PLCD4: variants seen among roughly 807,000 people sequenced by gnomAD.
PLCD4 encodes the protein phospholipase C delta 4, also known as 1-phosphatidylinositol 4,5-bisphosphate phosphodiesterase delta-4.
Under a neutral mutation model 90.2 loss-of-function variants are expected in PLCD4, and 63 were observed. The observed-to-expected ratio is 0.70, with a 90% CI of 0.57 to 0.86. PLCD4 has a LOEUF of 0.86. Ranked by LOEUF, PLCD4 falls within the 40% of genes least tolerant of loss-of-function variation. The pLI is 0.00. For synonymous variants in PLCD4, 294 were observed against 356.5 expected (o/e 0.82, Z 1.97); for missense variants, 830 against 956.3 (o/e 0.87, Z 1.74).
At chr2:218,631,015 C>A (rs1296319404) in intron 9 of PLCD4, among the ~76,000 whole-genome samples, 1 of 152,128 alleles carries the variant, frequency 6.6e-6, no homozygotes, top group Non-Finnish European at 1.5e-5. Flanking sequence ...AGTTTTAAAT[C>A]AACAATTTAC....
chr2:218,636,619 C>A lies in PLCD4; in HGVS notation c.*42C>A. 2 of 1,569,116 alleles carry A rather than the reference C, an allele frequency of 1.3e-6. No individual in the cohort carries two copies. Among genetic ancestry groups the A allele is most frequent in the East Asian group, 2.3e-5 (1 of 44,310 alleles). ...GAAGGGTTGGTGTGCTGGCTTTAGA[C>A]GGGGAGAAACATCTGGAAGGATGCT... On this transcript the variant is annotated 3_prime_UTR_variant, in exon 16 of 16. Transcript: ENST00000450993.
At chr2:218,613,945 G>A (rs781063924) in intron 1 of PLCD4, among the ~76,000 whole-genome samples, 1 of 151,994 alleles carries the variant, frequency 6.6e-6, no homozygotes. Context: ...TTCAAGGGAA[G>A]TTTGTTGTCA....
At chr2:218,628,007 T>C (rs1696189814) in intron 6 of PLCD4, 22 bp from the exon 7 acceptor site, 4 of 1,598,114 alleles carry the variant, frequency 2.5e-6, no homozygotes, top group South Asian at 2.3e-5. Flanking sequence ...TCTCACCTAG[T>C]GTTCCCCTGT....
Position 218,634,746 on chromosome 2 carries a change from GT to G in PLCD4, c.1896+120del. 7.9e-7 allele frequency: 1 copy of G among 1,272,026 alleles called. No individual in the cohort carries two copies. Among genetic ancestry groups the G allele is most frequent in the African/African-American group, 1.5e-5 (1 of 66,768 alleles). The allele number at this position is 1,272,026 out of a possible 1,614,324, so 78.8% of individuals were successfully genotyped here. A position where few individuals can be genotyped will look rare whatever the true frequency, so the allele number is the denominator to read the frequency against. On this transcript the variant is annotated intron_variant, in intron 13 of 15. Transcript: ENST00000450993. This position sits in a 1 kb window ranked among gnomAD's most constrained non-coding sequence, Gnocchi z 4.0. ...CCGGATAGCCTATTAACAGTGTCTA[GT>G]TTTAGCTTTTGGAGCCAGCTGCCTA...
At chr2:218,611,069 G>A (rs1319773055) in intron 1 of PLCD4, among the ~76,000 whole-genome samples, 2 of 152,084 alleles carry the variant, frequency 1.3e-5, no homozygotes, top group African/African-American at 2.4e-5. Context: ...CTCATTAAAT[G>A]ACTCTGGCAC....
At position 218,615,897 on chromosome 2, in the gene PLCD4, G is replaced by A. The variant is rs531979812; in HGVS notation, c.23-7G>A. On this transcript the variant is annotated splice_region_variant and splice_polypyrimidine_tract_variant and intron_variant, in intron 2 of 15. Transcript: ENST00000450993. ...TGGCTACCTAACCCCTGCTTTTCCT[G>A]ACCTAGAGCTGACCACTGATCAGGA... 1 of 1,613,958 alleles carries A rather than the reference G, an allele frequency of 6.2e-7. No individual in the cohort carries two copies. Among genetic ancestry groups the A allele is most frequent in the Admixed American group, 1.7e-5 (1 of 60,014 alleles).
At chr2:218,636,129 T>C in intron 14 of PLCD4, 114 bp from the exon 15 acceptor site, 1 of 1,400,106 alleles carries the variant, frequency 7.1e-7, no homozygotes, top group East Asian at 2.3e-5. Flanking sequence ...TGAGCCTTTT[T>C]CCTTACCTGT....
intron 6 of PLCD4, among the ~76,000 whole-genome samples, chr2:218,627,156 G>A (rs902166109): frequency 6.6e-6 from 1 of 151,642 alleles, no homozygotes; most frequent in Non-Finnish European, 1.5e-5. Flanking sequence ...AGCTACTCGG[G>A]AGCCTGAGGC....
In PLCD4 at chr2:218,622,629, C is replaced by T. The variant is rs1695937488; in HGVS notation, c.541-18C>T. ...CCATTAAAAGTTTCATTCACTCTCC[C>T]CTAAACCTCTCTTGCAGGCAGCAGA... On this transcript the variant is annotated intron_variant, in intron 5 of 15. Transcript: ENST00000450993. 1.9e-6 allele frequency: 3 copies of T among 1,596,378 alleles called. No homozygotes were observed. Among genetic ancestry groups the T allele is most frequent in the Admixed American group, 1.7e-5 (1 of 58,962 alleles).
rs998141297 is a variant in PLCD4 at position 218,618,693 on chromosome 2, G to T, written c.296G>T (p.Arg99Leu). 1 of 1,613,746 alleles carries T rather than the reference G, an allele frequency of 6.2e-7. No homozygotes were observed. The highest frequency in any genetic ancestry group is 8.5e-7 in the Non-Finnish European group (1 of 1,179,802). Reference protein sequence around the residue: ...QGFTIVFHGRRSNLDLMANSV... With the variant: ...QGFTIVFHGRLSNLDLMANSV... ...TTCACCATTGTCTTCCATGGCCGCC[G>T]CTCCAACCTGGACCTGATGGCCAAC... Residue 99 changes from arginine (R) to leucine (L), a missense_variant, in exon 4 of 16, where the codon CGC becomes CTC. Physicochemically the swap from Arg to Leu is moderately radical, Grantham distance 102. Transcript: ENST00000450993.
chr2:218,613,225 T>C (rs1695420118), intron 1 of PLCD4, among the ~76,000 whole-genome samples: 1 of 151,964 alleles, frequency 6.6e-6, no homozygotes, highest in Non-Finnish European at 1.5e-5. Context: ...ACCCTGTCTC[T>C]ATTAAAAATA....
chr2:218,626,527 T>C (rs923430420), intron 6 of PLCD4, among the ~76,000 whole-genome samples: 2 of 152,226 alleles, frequency 1.3e-5, no homozygotes, highest in African/African-American at 2.4e-5. Context: ...TAACCTCTCA[T>C]GGCAGATTAT....
At position 218,635,864 on chromosome 2, in the gene PLCD4, G is replaced by C; in HGVS notation, c.1965G>C (p.Val655=). 1 of 1,613,994 alleles carries C rather than the reference G, an allele frequency of 6.2e-7. No individual in the cohort carries two copies. The highest frequency in any genetic ancestry group is 8.5e-7 in the Non-Finnish European group (1 of 1,179,894). Residue 655 remains valine (V), a synonymous_variant, in exon 14 of 16, where the codon GTG becomes GTC. Coordinates refer to ENST00000450993, the MANE Select transcript of PLCD4 (RefSeq NM_032726.4). ...TKEGSIVDPL[V]KVQIFGVRLD... ...AGGGGTCCATTGTGGATCCACTGGT[G>C]AAAGTGCAGATCTTTGGCGTTCGTC...
In PLCD4 at chr2:218,618,993, A is replaced by G; in HGVS notation, c.410+186A>G. On this transcript the variant is annotated intron_variant, in intron 4 of 15. Coordinates refer to ENST00000450993, the MANE Select transcript of PLCD4 (RefSeq NM_032726.4). ...GAATACTGAGGGAGGAATGGATGCC[A>G]AGGATCACATAGCCAGGCAGGAATC... The G allele has an allele frequency of 5.0e-6, 3 of 602,148 alleles. No homozygotes were observed. The South Asian group carries it at 6.3e-5, about 13-fold the overall frequency. The allele number at this position is 602,148 out of a possible 1,614,324, so 37.3% of individuals were successfully genotyped here.
At chr2:218,608,811 T>C (rs113650919) in intron 1 of PLCD4, among the ~76,000 whole-genome samples, 54 of 152,304 alleles carry the variant, frequency 3.5e-4, no homozygotes, top group African/African-American at 1.2e-3. Flanking sequence ...CCAGAGGCTA[T>C]TGATGTAGCT....
In PLCD4 at chr2:218,621,485, G is replaced by T; in HGVS notation, c.426G>T (p.Trp142Cys). The change falls in exon 5 of 16, where the codon TGG becomes TGT. Residue 142 changes from tryptophan (W) to cysteine (C), a missense_variant. By Grantham distance (215) the Trp-to-Cys change is radical (BLOSUM62 -2). Coordinates refer to ENST00000450993, the MANE Select transcript of PLCD4 (RefSeq NM_032726.4). ...QERLDQWLSD[W>C]FQRGDKNQDG... is the part of the protein sequence containing the mutation. The stretch of plus-strand genomic sequence containing the variant: ...TCATACCTGGATGGCTGAGCGATTG[G>T]TTTCAACGTGGAGACAAAAATCAGG... 1.9e-6 allele frequency: 3 copies of T among 1,613,996 alleles called. No individual in the cohort carries two copies. Among genetic ancestry groups the T allele is most frequent in the Non-Finnish European group, 2.5e-6 (3 of 1,179,848 alleles).
At chr2:218,618,371 G>A (rs1695716060) in intron 3 of PLCD4, among the ~76,000 whole-genome samples, 2 of 152,212 alleles carry the variant, frequency 1.3e-5, no homozygotes, top group Admixed American at 6.5e-5. Context: ...TTGCCATGCT[G>A]CCTTTGAAAA....
At chr2:218,619,853 CTGAA>C (rs954539707) in intron 4 of PLCD4, among the ~76,000 whole-genome samples, 23 of 152,200 alleles carry the variant, frequency 1.5e-4, no homozygotes, top group African/African-American at 5.5e-4. Flanking sequence ...AGAAGTTTCT[CTGAA>C]TGTGTAGAGC....
chr2:218,634,485 T>C lies in PLCD4; in HGVS notation c.1751T>C (p.Leu584Pro). The C allele has an allele frequency of 6.2e-7, 1 of 1,613,990 alleles. No individual in the cohort carries two copies. Among genetic ancestry groups the C allele is most frequent in the Non-Finnish European group, 8.5e-7 (1 of 1,179,860 alleles). ...GCCATGAATATGCAGACTGCAGGGC[T>C]TGAAATGGACATCTGTGATGGGCAT... ...MVAMNMQTAG[L>P]EMDICDGHFR... Residue 584 changes from leucine (L) to proline (P), a missense_variant, in exon 13 of 16, where the codon CTT becomes CCT. By Grantham distance (98) the Leu-to-Pro change is moderately conservative. Coordinates refer to ENST00000450993, the MANE Select transcript of PLCD4 (RefSeq NM_032726.4). This position sits in a 1 kb window ranked among gnomAD's most constrained non-coding sequence, Gnocchi z 4.0.
Sources: gnomAD v4.1 joint callset for allele counts (sites outside exome capture counted in the v4.1 genomes callset) on GRCh38, gnomAD v4.1.1 for gene constraint, Gnocchi (gnomAD v3.1) non-coding constraint, MANE v1.5 for transcripts, NCBI Gene and HGNC (gene_info 2026-07-23, HGNC 2026-07-21) for gene names.